Variants in KAT6A observed in about 807,000 individuals in gnomAD.
KAT6A encodes histone acetyltransferase KAT6A.
A neutral mutation model predicts 198.4 loss-of-function variants in KAT6A; 9 were observed. That is an observed-to-expected ratio of 0.05 (90% CI 0.03 to 0.08). The LOEUF is 0.08. Among genes scored for constraint, KAT6A ranks in the 10% least tolerant of loss-of-function variants. The pLI is 1.00. For synonymous variants in KAT6A, 890 were observed against 883.0 expected (o/e 1.01, Z -0.14); for missense variants, 2,077 against 2,509.9 (o/e 0.83, Z 3.69).
At chr8:41,961,646 G>A (rs1332998190) in intron 8 of KAT6A, among the ~76,000 whole-genome samples, 4 of 151,614 alleles carry the variant, frequency 2.6e-5, no homozygotes, top group South Asian at 2.1e-4. Context: ...CCAGCTACTC[G>A]GGAGGCTGAG....
At chr8:41,961,260 GCC>G (rs1449262916) in intron 8 of KAT6A, among the ~76,000 whole-genome samples, 1 of 152,140 alleles carries the variant, frequency 6.6e-6, no homozygotes, top group Non-Finnish European at 1.5e-5. Context: ...CACACATCCT[GCC>G]TTTCACCAAT....
chr8:41,959,540 A>G (rs1284808127), intron 8 of KAT6A, among the ~76,000 whole-genome samples: 1 of 152,226 alleles, frequency 6.6e-6, no homozygotes, highest in Non-Finnish European at 1.5e-5. Flanking sequence ...TTCTTTGTAT[A>G]TGGGTATCTA....
intron 2 of KAT6A, among the ~76,000 whole-genome samples, chr8:41,991,563 T>C (rs979927008): frequency 6.6e-6 from 1 of 152,222 alleles, no homozygotes; most frequent in Non-Finnish European, 1.5e-5. Context: ...TATGTGTAGT[T>C]AAGGTGTACA....
At chr8:41,965,909 G>A (rs1042380559) in intron 8 of KAT6A, among the ~76,000 whole-genome samples, 3 of 152,096 alleles carry the variant, frequency 2.0e-5, no homozygotes, top group African/African-American at 7.2e-5. Context: ...ACTGTGTTAA[G>A]GCATTTACCC....
rs1822528818 is a variant in KAT6A, at chr8:41,948,901, A to ATCAT, written c.1740+320_1740+321insATGA. On this transcript the variant is annotated intron_variant, in intron 10 of 16. Transcript: ENST00000265713. ...TAGAGAATCACAGAGCAGAGGTCAC[A>ATCAT]CATCATCATCATCATCATCATCATC... Among the ~76,000 whole-genome samples, 17 of 151,186 alleles carry ATCAT rather than the reference A, an allele frequency of 1.1e-4. No homozygotes were observed. In the East Asian group the frequency reaches 3.3e-3, roughly 29 times the overall value.
chr8:41,946,776 C>T (rs970597453), intron 11 of KAT6A, 92 bp from the exon 12 acceptor site: 1 of 739,152 alleles, frequency 1.4e-6, no homozygotes, highest in African/African-American at 1.9e-5. Flanking sequence ...GGCCAAAACC[C>T]ACAGCCCTGG....
At chr8:41,953,598 T>C (rs1822774141) in intron 9 of KAT6A, among the ~76,000 whole-genome samples, 1 of 152,162 alleles carries the variant, frequency 6.6e-6, no homozygotes, top group Non-Finnish European at 1.5e-5. Flanking sequence ...CTCAGCCTCC[T>C]GAGTAGCTGG....
At chr8:41,978,899 T>A in intron 5 of KAT6A, 122 bp from the exon 6 acceptor site, 1 of 803,274 alleles carries the variant, frequency 1.2e-6, no homozygotes, top group South Asian at 1.7e-5. Context: ...GAAAATCTGA[T>A]GAATACCCCC....
intron 2 of KAT6A, among the ~76,000 whole-genome samples, chr8:42,008,569 C>G (rs1825858907): frequency 6.6e-6 from 1 of 152,068 alleles, no homozygotes; most frequent in African/African-American, 2.4e-5. Flanking sequence ...GAACTCCTGA[C>G]CTCAAGTGAT....
In KAT6A at chr8:41,934,723, C is replaced by G. The variant is rs761298318; in HGVS notation, c.3497G>C (p.Arg1166Thr). The change falls in exon 17 of 17, where the codon AGA becomes ACA. Residue 1166 changes from arginine (R) to threonine (T), a missense_variant. Around this residue, in one of 13 missense-constraint regions of KAT6A, gnomAD observed 375 missense variants for 383.0 expected, o/e 0.98. Coordinates refer to ENST00000265713, the MANE Select transcript of KAT6A (RefSeq NM_006766.5). ...CTTAAATCCTGGTTTTCGACCAGGT[C>G]TTTTCTTCCAGTGGATTGGTTTGCG... ...KSRKPIHWKK[R>T]PGRKPGFKLS... The G allele has an allele frequency of 6.2e-7, 1 of 1,614,194 alleles. No homozygotes were observed. The highest frequency in any genetic ancestry group is 8.5e-7 in the Non-Finnish European group (1 of 1,180,044).
Position 41,940,851 on chromosome 8 carries a change from C to T in KAT6A, c.3030G>A (p.Leu1010=). 6.2e-7 allele frequency: 1 copy of T among 1,608,238 alleles called. No individual in the cohort carries two copies. The highest frequency in any genetic ancestry group is 8.5e-7 in the Non-Finnish European group (1 of 1,177,940). The change falls in exon 15 of 17, where the codon CTG becomes CTA. Residue 1010 remains leucine (L), a synonymous_variant. Coordinates refer to ENST00000265713, the MANE Select transcript of KAT6A (RefSeq NM_006766.5). ...GAAAGAAATGCGTTACCTTTCGCTT[C>T]AGCGTGGGCTTTGTGAGAATTGGTG... The part of the protein sequence containing the change: ...SSPPILTKPT[L]KRKKPFLHRR...
rs1821496381 is a variant in KAT6A at position 41,930,727 on chromosome 8, T to TA, written c.*1477dup. ...GTGTGTGTGTATATATATATATATA[T>TA]ATTTTTTTTTTTTTTTTTTTTTTTT... On this transcript the variant is annotated 3_prime_UTR_variant, in exon 17 of 17. Transcript: ENST00000265713. 2 of 92,182 alleles carry TA rather than the reference T, an allele frequency of 2.2e-5. No individual in the cohort carries two copies. The highest frequency in any genetic ancestry group is 4.3e-5 in the Non-Finnish European group (2 of 46,848). The allele number at this position is 92,182 out of a possible 1,614,324, so 5.7% of individuals were successfully genotyped here. A position where few individuals can be genotyped will look rare whatever the true frequency, so the allele number is the denominator to read the frequency against.
intron 2 of KAT6A, among the ~76,000 whole-genome samples, chr8:41,998,763 C>A (rs1055520479): frequency 1.3e-5 from 2 of 151,900 alleles, no homozygotes; most frequent in Admixed American, 1.3e-4. Context: ...ATCCCATATA[C>A]TATCAAGTAC....
intron 2 of KAT6A, among the ~76,000 whole-genome samples, chr8:42,029,285 A>C (rs1826990680): frequency 6.6e-6 from 1 of 152,074 alleles, no homozygotes; most frequent in Non-Finnish European, 1.5e-5. Context: ...CTATTTTGAA[A>C]TCTTTTAGTT....
intron 8 of KAT6A, among the ~76,000 whole-genome samples, chr8:41,969,962 CAA>C (rs1274523815): frequency 6.6e-6 from 1 of 152,158 alleles, no homozygotes; most frequent in Non-Finnish European, 1.5e-5. Flanking sequence ...GTTACTTCTT[CAA>C]AAGTCTTCCC....
intron 2 of KAT6A, among the ~76,000 whole-genome samples, chr8:42,041,015 T>A (rs1382023011): frequency 6.6e-6 from 1 of 151,344 alleles, no homozygotes; most frequent in Non-Finnish European, 1.5e-5. Flanking sequence ...GCCAACACAG[T>A]GAAGCCCCAT....
chr8:42,051,602 C>T (rs1802655843), intron 1 of KAT6A, among the ~76,000 whole-genome samples: 1 of 145,080 alleles, frequency 6.9e-6, no homozygotes, highest in East Asian at 2.0e-4. Flanking sequence ...CGGGCCCGGC[C>T]GGCGGGATCG....
intron 2 of KAT6A, among the ~76,000 whole-genome samples, chr8:42,002,329 T>G (rs1825536234): frequency 6.6e-6 from 1 of 152,142 alleles, no homozygotes; most frequent in South Asian, 2.1e-4. Context: ...AGCTTTTTCT[T>G]TACATAGATT....
intron 8 of KAT6A, among the ~76,000 whole-genome samples, chr8:41,973,495 C>T (rs1823902712): frequency 6.6e-6 from 1 of 152,146 alleles, no homozygotes; most frequent in South Asian, 2.1e-4. Flanking sequence ...GCTGGGATTA[C>T]AGGGGTGAGC....
Sources: allele counts gnomAD v4.1 joint callset (sites outside exome capture counted in the v4.1 genomes callset), GRCh38; gene constraint gnomAD v4.1.1; regional missense constraint gnomAD v4.1.1; transcripts MANE v1.5; gene names NCBI Gene and HGNC (gene_info 2026-07-23, HGNC 2026-07-21).